RETREG1: variants seen among roughly 807,000 people sequenced by gnomAD.
RETREG1 encodes family with sequence similarity 134 member B.
Under a neutral mutation model 54.8 loss-of-function variants are expected in RETREG1, and 44 were observed. That is an observed-to-expected ratio of 0.80 (90% CI 0.63 to 1.03). The LOEUF (loss-of-function observed/expected upper bound fraction) is 1.03, where lower values mean the gene tolerates loss of function less well. Ranked by LOEUF, RETREG1 falls within the 50% of genes least tolerant of loss-of-function variation. RETREG1 has a pLI of 0.00. For synonymous variants in RETREG1, 217 were observed against 238.5 expected, an observed-to-expected ratio of 0.91 and a Z score of 0.83; for missense variants, 554 against 605.1, an observed-to-expected ratio of 0.92 and a Z score of 0.89.
chr5:16,593,054 A>G lies in RETREG1; in HGVS notation c.321-20952T>C, dbSNP rs940011073. Among the ~76,000 whole-genome samples, 1 of 152,194 alleles carries G rather than the reference A, an allele frequency of 6.6e-6. No homozygotes were observed. Among genetic ancestry groups the G allele is most frequent in the African/African-American group, 2.4e-5 (1 of 41,440 alleles). The stretch of plus-strand genomic sequence containing the variant: ...TTAAAAGTTTTTCAAAAAAAAAGAA[A>G]AGGAAAATGTGGATTCTTTGACAAA... On this transcript the variant is annotated intron_variant, in intron 1 of 8. Transcript: ENST00000306320. The surrounding 1 kb of genome is among the most constrained non-coding windows in gnomAD (Gnocchi z 4.9).
chr5:16,510,574 G>A (rs1316793843), intron 3 of RETREG1, among the ~76,000 whole-genome samples: 1 of 151,934 alleles, frequency 6.6e-6, no homozygotes, highest in Non-Finnish European at 1.5e-5. Context: ...CAGATCACCC[G>A]AGGTTAGGAG....
intron 3 of RETREG1, among the ~76,000 whole-genome samples, chr5:16,550,286 A>T (rs1343198392): frequency 1.3e-5 from 2 of 151,740 alleles, no homozygotes; most frequent in African/African-American, 4.8e-5. Context: ...AAAAAAAAAA[A>T]AGCGTTAAAG....
intron 3 of RETREG1, among the ~76,000 whole-genome samples, chr5:16,537,472 G>C (rs1411883427): frequency 6.6e-6 from 1 of 152,168 alleles, no homozygotes; most frequent in East Asian, 1.9e-4. Context: ...TTCCAACAAA[G>C]GTGTTAAGTT....
intron 3 of RETREG1, among the ~76,000 whole-genome samples, chr5:16,549,849 G>T (rs1181149613): frequency 1.3e-5 from 2 of 151,978 alleles, no homozygotes; most frequent in African/African-American, 2.4e-5. Flanking sequence ...CCCAAAATAA[G>T]GAAAACATCA....
At position 16,518,136 on chromosome 5, in the gene RETREG1, A is replaced by C. The variant is rs953719637; in HGVS notation, c.459-34664T>G. Among the ~76,000 whole-genome samples, 26 of 148,132 alleles carry C rather than the reference A, an allele frequency of 1.8e-4. 1 individual carries two copies. Among genetic ancestry groups the C allele is most frequent in the African/African-American group, 6.4e-4 (26 of 40,852 alleles). On this transcript the variant is annotated intron_variant, in intron 3 of 8. Coordinates refer to ENST00000306320, the MANE Select transcript of RETREG1 (RefSeq NM_001034850.3). The stretch of plus-strand genomic sequence containing the variant: ...TATTTACATATAATTGTATATATTT[A>C]TATATAATCAATATATGTATTTATA...
intron 3 of RETREG1, among the ~76,000 whole-genome samples, chr5:16,542,904 T>C (rs1331750049): frequency 1.3e-5 from 2 of 152,220 alleles, no homozygotes; most frequent in African/African-American, 4.8e-5. Context: ...GACAGAGCTA[T>C]ACAGCCATGA....
At chr5:16,476,569 C>T (rs1326037049) in intron 8 of RETREG1, among the ~76,000 whole-genome samples, 1 of 152,076 alleles carries the variant, frequency 6.6e-6, no homozygotes. Context: ...ACTATGCAGC[C>T]ATAAAAAGGA....
intron 3 of RETREG1, among the ~76,000 whole-genome samples, chr5:16,506,615 G>A (rs1366762091): frequency 5.3e-5 from 8 of 151,934 alleles, no homozygotes; most frequent in Non-Finnish European, 1.2e-4. Flanking sequence ...CAAACCCTTG[G>A]ACCCAAGGGA....
In RETREG1 at chr5:16,579,781, G is replaced by A. The variant is rs147509676; in HGVS notation, c.321-7679C>T. Among the ~76,000 whole-genome samples, 675 of 152,234 alleles carry A rather than the reference G, an allele frequency of 4.4e-3. 4 individuals carry two copies. Among genetic ancestry groups the A allele is most frequent in the African/African-American group, 0.016 (650 of 41,546 alleles). On this transcript the variant is annotated intron_variant, in intron 1 of 8. Coordinates refer to ENST00000306320, the MANE Select transcript of RETREG1 (RefSeq NM_001034850.3). Reference sequence around the variant, plus strand: ...AGCTTCCTCTGAGTGTTTTTGTGGCGTGATAGTACATTCATTTTGATCACT... The same window carrying A: ...AGCTTCCTCTGAGTGTTTTTGTGGCATGATAGTACATTCATTTTGATCACT...
intron 1 of RETREG1, among the ~76,000 whole-genome samples, chr5:16,600,234 C>T (rs1313433762): frequency 6.6e-6 from 1 of 152,176 alleles, no homozygotes. Context: ...CTCCTGACCT[C>T]AGGTGATCCA....
At chr5:16,538,790 C>T (rs946687222) in intron 3 of RETREG1, among the ~76,000 whole-genome samples, 1 of 151,952 alleles carries the variant, frequency 6.6e-6, no homozygotes, top group African/African-American at 2.4e-5. Context: ...CTGCAAGCTC[C>T]GCCTCCTGGG....
chr5:16,535,396 C>G (rs1369315062), intron 3 of RETREG1, among the ~76,000 whole-genome samples: 6 of 150,900 alleles, frequency 4.0e-5, no homozygotes, highest in Non-Finnish European at 8.8e-5. Context: ...AAAGTAGGAG[C>G]TGGAGTACTG....
At chr5:16,489,086 A>G (rs1308366724) in intron 3 of RETREG1, among the ~76,000 whole-genome samples, 10 of 4,034 alleles carry the variant, frequency 2.5e-3, no homozygotes, top group Non-Finnish European at 3.8e-3. Context: ...CTGTCTCAAA[A>G]AAAAAAAAAA....
chr5:16,547,069 G>A (rs1741409645), intron 3 of RETREG1, among the ~76,000 whole-genome samples: 1 of 152,148 alleles, frequency 6.6e-6, no homozygotes, highest in Non-Finnish European at 1.5e-5. Context: ...ACAATGCGAG[G>A]GACCGTTCTA....
chr5:16,490,996 C>G (rs1739221079), intron 3 of RETREG1, among the ~76,000 whole-genome samples: 1 of 152,108 alleles, frequency 6.6e-6, no homozygotes, highest in African/African-American at 2.4e-5. Context: ...AAATTAGTAC[C>G]CACAAAGTGA....
intron 3 of RETREG1, chr5:16,508,556 C>A (rs753957509): frequency 1.2e-6 from 2 of 1,603,416 alleles, no homozygotes; most frequent in Non-Finnish European, 1.7e-6. Context: ...AGAATAAGTA[C>A]GTACGTATAT....
intron 1 of RETREG1, among the ~76,000 whole-genome samples, chr5:16,591,824 C>T (rs1346243771): frequency 2.6e-5 from 4 of 152,128 alleles, no homozygotes; most frequent in Non-Finnish European, 5.9e-5. Context: ...AGACAAAGCC[C>T]ATGAAAAACA....
At chr5:16,504,175 T>C (rs1176558397) in intron 3 of RETREG1, among the ~76,000 whole-genome samples, 2 of 152,212 alleles carry the variant, frequency 1.3e-5, no homozygotes, top group African/African-American at 2.4e-5. Flanking sequence ...TGTTCCTGCA[T>C]TAGTTCGCCG....
At chr5:16,555,183 A>C (rs2560832) in intron 3 of RETREG1, among the ~76,000 whole-genome samples, 1 of 152,136 alleles carries the variant, frequency 6.6e-6, no homozygotes, top group African/African-American at 2.4e-5. Context: ...ACAGAGTCTC[A>C]CTCTGTGACC....
Sources: allele counts gnomAD v4.1 joint callset (sites outside exome capture counted in the v4.1 genomes callset), GRCh38; gene constraint gnomAD v4.1.1; non-coding constraint Gnocchi (gnomAD v3.1); transcripts MANE v1.5; gene names NCBI Gene and HGNC (gene_info 2026-07-23, HGNC 2026-07-21).